PCDH9: variants seen among roughly 807,000 people sequenced by gnomAD.
PCDH9 encodes protocadherin-9.
PCDH9 carries 24 observed loss-of-function variants against 70.6 expected under a neutral mutation model. The ratio of observed to expected loss-of-function variants is 0.34; its 90% confidence interval spans 0.25 to 0.48. The LOEUF (loss-of-function observed/expected upper bound fraction) is 0.48. PCDH9 is among the 20% of genes least tolerant of loss of function. The pLI is 0.99. For synonymous variants in PCDH9, 562 were observed against 558.5 expected (o/e 1.01, Z -0.09); for missense variants, 1,281 against 1,503.6 (o/e 0.85, Z 2.45).
chr13:66,785,770 G>T (rs751448804), intron 3 of PCDH9, among the ~76,000 whole-genome samples: 1 of 151,610 alleles, frequency 6.6e-6, no homozygotes, highest in African/African-American at 2.4e-5. Context: ...ACGTCACTGA[G>T]TAGGGCATGT....
intron 2 of PCDH9, among the ~76,000 whole-genome samples, chr13:66,907,687 T>A (rs906403834): frequency 6.6e-6 from 1 of 152,216 alleles, no homozygotes; most frequent in African/African-American, 2.4e-5. Flanking sequence ...ACAAAAGTTT[T>A]ATGGAAGATC....
chr13:66,865,001 A>T (rs1403944985), intron 3 of PCDH9, among the ~76,000 whole-genome samples: 2 of 152,244 alleles, frequency 1.3e-5, no homozygotes. Context: ...TTATGCCAAG[A>T]TCTTTAAATC....
chr13:66,391,883 C>CATATATAT (rs140840857), intron 4 of PCDH9, among the ~76,000 whole-genome samples: 4,987 of 143,112 alleles, frequency 0.035, 138 homozygotes, highest in East Asian at 0.076. Context: ...GCCATATATG[C>CATATATAT]ATATATATAT....
intron 2 of PCDH9, among the ~76,000 whole-genome samples, chr13:67,075,512 T>C (rs2085860803): frequency 6.6e-6 from 1 of 152,142 alleles, no homozygotes; most frequent in Admixed American, 6.6e-5. Flanking sequence ...AATTCATTCT[T>C]CCTGGAGGGA....
At chr13:66,666,427 G>GTT (rs5804288) in intron 3 of PCDH9, among the ~76,000 whole-genome samples, 3,376 of 149,604 alleles carry the variant, frequency 0.023, 67 homozygotes, top group Middle Eastern at 0.052. Context: ...GATGTTCTGT[G>GTT]TTTTTTTTTT....
chr13:67,189,767 A>G (rs2138015102), intron 2 of PCDH9, among the ~76,000 whole-genome samples: 1 of 152,166 alleles, frequency 6.6e-6, no homozygotes, highest in South Asian at 2.1e-4. Flanking sequence ...GGAGAAAGCC[A>G]TTTGACAATC....
intron 3 of PCDH9, among the ~76,000 whole-genome samples, chr13:66,677,771 C>G (rs2078264310): frequency 6.6e-6 from 1 of 152,118 alleles, no homozygotes; most frequent in South Asian, 2.1e-4. Flanking sequence ...CCTCGAAAGC[C>G]TACAGAATTG....
intron 4 of PCDH9, among the ~76,000 whole-genome samples, chr13:66,527,003 T>C (rs75112767): frequency 6.6e-6 from 1 of 152,158 alleles, no homozygotes; most frequent in Non-Finnish European, 1.5e-5. Context: ...GAAGTGGCTG[T>C]GGGGTTAGAA....
intron 4 of PCDH9, among the ~76,000 whole-genome samples, chr13:66,577,631 C>T (rs541016256): frequency 2.0e-5 from 3 of 151,928 alleles, no homozygotes; most frequent in East Asian, 1.9e-4. Flanking sequence ...TACCCCACTC[C>T]CCGCCCCCCT....
At position 66,697,453 on chromosome 13, in the gene PCDH9, C is replaced by T. The variant is rs534191851; in HGVS notation, c.3139-66042G>A. 2.3e-3 allele frequency among the ~76,000 whole-genome samples: 351 copies of T among 152,156 alleles called. 1 individual carries two copies. The highest frequency in any genetic ancestry group is 8.3e-3 in the African/African-American group (344 of 41,522). ...GGGCATTATTTATAAAACTTTATAA[C>T]GCCATATTCTATATTTCCCTGGGAA... On this transcript the variant is annotated intron_variant, in intron 3 of 4. Coordinates refer to ENST00000377865, the MANE Select transcript of PCDH9 (RefSeq NM_203487.3).
chr13:66,494,560 A>ACT (rs1034927812), intron 4 of PCDH9, among the ~76,000 whole-genome samples: 6 of 151,464 alleles, frequency 4.0e-5, no homozygotes, highest in African/African-American at 7.3e-5. Context: ...TGTGCTTGTG[A>ACT]CTCTCTCTCT....
chr13:66,695,576 A>G (rs1025036395), intron 3 of PCDH9, among the ~76,000 whole-genome samples: 1 of 152,198 alleles, frequency 6.6e-6, no homozygotes, highest in East Asian at 1.9e-4. Flanking sequence ...ACATAGCAAG[A>G]GAGGTTTTGA....
Position 66,602,573 on chromosome 13 carries a change from A to G in PCDH9, c.3340+28637T>C, listed in dbSNP as rs1430086154. Among the ~76,000 whole-genome samples the G allele has an allele frequency of 2.1e-5, 3 of 146,016 alleles. 1 individual carries two copies. Among genetic ancestry groups the G allele is most frequent in the Non-Finnish European group, 4.6e-5 (3 of 64,970 alleles). On this transcript the variant is annotated intron_variant, in intron 4 of 4. Coordinates refer to ENST00000377865, the MANE Select transcript of PCDH9 (RefSeq NM_203487.3). Reference sequence around the variant, plus strand: ...GTATTTTTGTACAGCTGTACAATGTATCTGTGTTTTAAGCTAAGTGCTATT... The same window carrying G: ...GTATTTTTGTACAGCTGTACAATGTGTCTGTGTTTTAAGCTAAGTGCTATT...
At chr13:66,434,469 T>C (rs1271475710) in intron 4 of PCDH9, among the ~76,000 whole-genome samples, 2 of 152,030 alleles carry the variant, frequency 1.3e-5, no homozygotes, top group Non-Finnish European at 2.9e-5. Flanking sequence ...ATTCTGCCTC[T>C]AAAATATGGT....
At chr13:66,555,171 A>AAAATAAAT (rs1265305868) in intron 4 of PCDH9, among the ~76,000 whole-genome samples, 2 of 152,130 alleles carry the variant, frequency 1.3e-5, no homozygotes, top group Admixed American at 6.6e-5. Context: ...CTCTGTCTCA[A>AAAATAAAT]AAATAAATAA....
At chr13:66,704,765 A>G (rs1365629638) in intron 3 of PCDH9, among the ~76,000 whole-genome samples, 2 of 152,122 alleles carry the variant, frequency 1.3e-5, no homozygotes, top group East Asian at 3.9e-4. Flanking sequence ...CTAGAGAAAC[A>G]ATTCTCTAGA....
At chr13:66,439,597 TGCATGGTGA>T (rs1292231019) in intron 4 of PCDH9, among the ~76,000 whole-genome samples, 3 of 152,238 alleles carry the variant, frequency 2.0e-5, no homozygotes, top group African/African-American at 7.2e-5. Context: ...TGCTGCTTGT[TGCATGGTGA>T]GCATCCAATA....
chr13:66,520,323 T>G (rs532363340), intron 4 of PCDH9, among the ~76,000 whole-genome samples: 2 of 152,186 alleles, frequency 1.3e-5, no homozygotes, highest in Non-Finnish European at 2.9e-5. Flanking sequence ...GTCCCGAAAC[T>G]CCTTAGGTCT....
intron 3 of PCDH9, among the ~76,000 whole-genome samples, chr13:66,843,307 A>G (rs2081147747): frequency 6.6e-6 from 1 of 152,184 alleles, no homozygotes; most frequent in African/African-American, 2.4e-5. Flanking sequence ...ACTTTTCTAG[A>G]AGACTAGGTC....
Sources: gnomAD v4.1 joint callset for allele counts (sites outside exome capture counted in the v4.1 genomes callset) on GRCh38, gnomAD v4.1.1 for gene constraint, MANE v1.5 for transcripts, NCBI Gene and HGNC (gene_info 2026-07-23, HGNC 2026-07-21) for gene names.